Variants in OSBPL1A observed in about 807,000 individuals in gnomAD.
The protein encoded by OSBPL1A is oxysterol binding protein like 1A.
Under a neutral mutation model 137.1 loss-of-function variants are expected in OSBPL1A, and 80 were observed. That is an observed-to-expected ratio of 0.58 (90% CI 0.49 to 0.70). OSBPL1A has a LOEUF of 0.70. Among genes scored for constraint, OSBPL1A ranks in the 30% least tolerant of loss-of-function variants. The pLI is 0.00. For synonymous variants in OSBPL1A, 365 were observed against 389.7 expected (o/e 0.94, Z 0.75); for missense variants, 970 against 1,129.4 (o/e 0.86, Z 2.02).
intron 15 of OSBPL1A, among the ~76,000 whole-genome samples, chr18:24,255,723 C>T (rs901667940): frequency 6.6e-5 from 10 of 151,852 alleles, no homozygotes; most frequent in Non-Finnish European, 1.2e-4. Context: ...CTTCCTGAGG[C>T]ACATCCTCAA....
At chr18:24,332,145 G>A (rs1490796619) in intron 7 of OSBPL1A, among the ~76,000 whole-genome samples, 2 of 151,964 alleles carry the variant, frequency 1.3e-5, no homozygotes, top group Admixed American at 1.3e-4. Context: ...GGAGGCTGAG[G>A]TGGGCAGATC....
rs574961183 is a variant in OSBPL1A, at chr18:24,312,709, A to G, written c.970-603T>C. On this transcript the variant is annotated intron_variant, in intron 12 of 27. Transcript: ENST00000319481. ...TCTTACCATTTTATGAAATGTTGGG[A>G]GAGTCATGAGTTAGATTGTTTAGGG... is the stretch of plus-strand genomic sequence containing the variant. 7.2e-5 allele frequency among the ~76,000 whole-genome samples: 11 copies of G among 152,312 alleles called. No homozygotes were observed. In the South Asian group the frequency reaches 2.3e-3, roughly 32 times the overall value.
At chr18:24,332,316 G>A (rs1377849112) in intron 7 of OSBPL1A, among the ~76,000 whole-genome samples, 2 of 147,224 alleles carry the variant, frequency 1.4e-5, no homozygotes, top group Non-Finnish European at 3.0e-5. Flanking sequence ...AACCCAGGAG[G>A]AGGAGGCTGC....
At position 24,312,060 on chromosome 18, in the gene OSBPL1A, T is replaced by C. The variant is rs2090628248; in HGVS notation, c.1016A>G (p.Tyr339Cys). ...IEEHSAYSTHYCSQDQLTDEE... is the reference protein window; with the variant it reads ...IEEHSAYSTHCCSQDQLTDEE... ...ATCAGTCAGCTGGTCCTGGGAACAGTAGTGAGTGCTGTAAGCAGAATGTTC... is the reference window on the plus strand; with the variant it reads ...ATCAGTCAGCTGGTCCTGGGAACAGCAGTGAGTGCTGTAAGCAGAATGTTC... The change falls in exon 13 of 28, where the codon TAC becomes TGC. Residue 339 changes from tyrosine (Y) to cysteine (C), a missense_variant. This residue lies in a region of OSBPL1A where 647 missense variants were observed against 672.6 expected (regional missense o/e 0.96). Coordinates refer to ENST00000319481, the MANE Select transcript of OSBPL1A (RefSeq NM_080597.4). 1.9e-6 allele frequency: 3 copies of C among 1,613,968 alleles called. No individual in the cohort carries two copies. Among genetic ancestry groups the C allele is most frequent in the African/African-American group, 1.3e-5 (1 of 74,932 alleles).
chr18:24,333,887 C>T (rs1173147914), intron 6 of OSBPL1A, among the ~76,000 whole-genome samples: 2 of 152,052 alleles, frequency 1.3e-5, no homozygotes, highest in African/African-American at 4.8e-5. Flanking sequence ...TTATAGGGTC[C>T]TATTTATTAT....
intron 14 of OSBPL1A, among the ~76,000 whole-genome samples, chr18:24,287,512 C>A (rs2090086815): frequency 6.6e-6 from 1 of 152,148 alleles, no homozygotes; most frequent in Admixed American, 6.5e-5. Flanking sequence ...GTGGCTCACA[C>A]CTGCAATCCC....
At chr18:24,178,251 T>C (rs2086506288) in intron 20 of OSBPL1A, 56 bp from the exon 21 acceptor site, 1 of 1,399,166 alleles carries the variant, frequency 7.1e-7, no homozygotes, top group African/African-American at 1.5e-5. Flanking sequence ...TAATTAACTC[T>C]ATCATTAAAC....
chr18:24,374,046 G>A (rs1905887616), intron 2 of OSBPL1A, among the ~76,000 whole-genome samples: 1 of 152,198 alleles, frequency 6.6e-6, no homozygotes, highest in Non-Finnish European at 1.5e-5. Flanking sequence ...AAGGGTCACT[G>A]AGGATGATCA....
chr18:24,324,956 C>G (rs985302468), intron 7 of OSBPL1A, among the ~76,000 whole-genome samples: 2 of 151,742 alleles, frequency 1.3e-5, no homozygotes, highest in East Asian at 3.9e-4. Context: ...CATGGTAGCG[C>G]GCACCTGTAA....
chr18:24,308,618 C>G (rs1014056712), intron 13 of OSBPL1A, among the ~76,000 whole-genome samples: 1 of 152,104 alleles, frequency 6.6e-6, no homozygotes, highest in Non-Finnish European at 1.5e-5. Flanking sequence ...CACCCAGAGC[C>G]TCTAAGAGCC....
intron 15 of OSBPL1A, among the ~76,000 whole-genome samples, chr18:24,264,492 G>A (rs1014140565): frequency 2.6e-5 from 4 of 152,174 alleles, no homozygotes; most frequent in Admixed American, 6.5e-5. Flanking sequence ...CCAGGCTATA[G>A]CATTCTGACA....
intron 1 of OSBPL1A, among the ~76,000 whole-genome samples, chr18:24,384,829 G>A (rs1251570082): frequency 1.3e-5 from 2 of 149,966 alleles, no homozygotes. Context: ...AGCCGAGAAC[G>A]CGCCATTGCA....
chr18:24,217,672 A>C (rs368220245), intron 17 of OSBPL1A, among the ~76,000 whole-genome samples: 7 of 152,260 alleles, frequency 4.6e-5, no homozygotes, highest in Admixed American at 6.5e-5. Context: ...TCAACCACTA[A>C]ATCATTAGGT....
chr18:24,245,847 T>G (rs1324532837), intron 15 of OSBPL1A, among the ~76,000 whole-genome samples: 2 of 152,220 alleles, frequency 1.3e-5, no homozygotes, highest in East Asian at 3.8e-4. Flanking sequence ...CAAATGCAAT[T>G]GATTTCCCTA....
At chr18:24,361,474 C>G (rs902133419) in intron 4 of OSBPL1A, among the ~76,000 whole-genome samples, 1 of 152,178 alleles carries the variant, frequency 6.6e-6, no homozygotes, top group South Asian at 2.1e-4. Flanking sequence ...TGAGGACTTA[C>G]TGTATATATG....
chr18:24,306,537 CA>C (rs1384662480), intron 13 of OSBPL1A, among the ~76,000 whole-genome samples: 4 of 152,046 alleles, frequency 2.6e-5, no homozygotes, highest in African/African-American at 9.7e-5. Flanking sequence ...CACCTAAGAG[CA>C]CATACTGTAT....
At chr18:24,230,137 G>A (rs1168685625) in intron 16 of OSBPL1A, among the ~76,000 whole-genome samples, 1 of 152,210 alleles carries the variant, frequency 6.6e-6, no homozygotes, top group East Asian at 1.9e-4. Flanking sequence ...TAATGCCTTA[G>A]TAGAAAGCAT....
chr18:24,317,578 A>G (rs2090760214), intron 9 of OSBPL1A, among the ~76,000 whole-genome samples, 178 bp from the exon 10 acceptor site: 1 of 152,178 alleles, frequency 6.6e-6, no homozygotes, highest in Non-Finnish European at 1.5e-5. Context: ...AAAACATACC[A>G]CTACAGGGTG....
At chr18:24,240,449 G>T (rs2088656829) in intron 15 of OSBPL1A, among the ~76,000 whole-genome samples, 1 of 152,150 alleles carries the variant, frequency 6.6e-6, no homozygotes, top group South Asian at 2.1e-4. Context: ...AAAATAGCAT[G>T]TACTGGATTT....
Sources: gnomAD v4.1 joint callset for allele counts (sites outside exome capture counted in the v4.1 genomes callset) on GRCh38, gnomAD v4.1.1 for gene constraint, gnomAD v4.1.1 regional missense constraint, MANE v1.5 for transcripts, NCBI Gene and HGNC (gene_info 2026-07-23, HGNC 2026-07-21) for gene names.